The following URI1 variants were observed in gnomAD, a reference collection of about 807,000 sequenced individuals.
URI1 encodes URI1 prefoldin like chaperone, also known as unconventional prefoldin RPB5 interactor 1.
In URI1, 39 loss-of-function variants were observed where a neutral mutation model predicts 60.2. The observed-to-expected ratio is 0.65, with a 90% CI of 0.50 to 0.85. The LOEUF is 0.85. URI1 is among the 40% of genes least tolerant of loss of function. The pLI is 0.00. For missense variants in URI1, 691 were observed against 665.9 expected (o/e 1.04, Z -0.42); for synonymous variants, 251 against 236.8 (o/e 1.06, Z -0.55).
At chr19:29,996,481 G>T (rs1411938487) in intron 4 of URI1, among the ~76,000 whole-genome samples, 4 of 149,824 alleles carry the variant, frequency 2.7e-5, no homozygotes, top group African/African-American at 9.8e-5. Flanking sequence ...AGGGTGTTTT[G>T]TGTGTGTGTG....
chr19:29,996,768 G>C (rs1038536870), intron 4 of URI1, among the ~76,000 whole-genome samples: 8 of 151,770 alleles, frequency 5.3e-5, no homozygotes, highest in African/African-American at 1.9e-4. Context: ...TTATGTTATG[G>C]AAGTTCCCTT....
At chr19:29,928,368 G>T (rs2054888599) in intron 1 of URI1, among the ~76,000 whole-genome samples, 1 of 152,128 alleles carries the variant, frequency 6.6e-6, no homozygotes, top group South Asian at 2.1e-4. Flanking sequence ...GAGAAGGAGT[G>T]CAGGAGGCCA....
At chr19:29,935,795 CT>C (rs1178727433) in intron 1 of URI1, among the ~76,000 whole-genome samples, 2 of 104,700 alleles carry the variant, frequency 1.9e-5, no homozygotes, top group African/African-American at 3.7e-5. Flanking sequence ...TTTCTCTTTT[CT>C]TTTTTTTTGA....
At chr19:29,938,184 G>A (rs1006787824), upstream of URI1, among the ~76,000 whole-genome samples, 2 of 152,096 alleles carry the variant, frequency 1.3e-5, no homozygotes, top group African/African-American at 4.8e-5. Flanking sequence ...AAAGAAAGGA[G>A]GTTTATTTGG....
At chr19:29,986,178 TAAAA>T in intron 3 of URI1, 100 bp from the exon 4 acceptor site, 1 of 1,153,834 alleles carries the variant, frequency 8.7e-7, no homozygotes, top group Non-Finnish European at 1.1e-6. Context: ...AATGTATAAA[TAAAA>T]AAATTCAGTT....
Position 29,962,591 on chromosome 19 carries a change from T to C in URI1, c.118-8602T>C, listed in dbSNP as rs142536162. On this transcript the variant is annotated intron_variant, in intron 1 of 10. Coordinates refer to ENST00000392271, the MANE Select transcript of URI1 (RefSeq NM_003796.3). ...TGTGTGGTCAATATTGATTTATCTT[T>C]ACCCATCTTTTTTTTTTTTTATCCT... 5.5e-3 allele frequency among the ~76,000 whole-genome samples: 834 copies of C among 151,618 alleles called. 11 individuals are homozygous for C. The highest frequency in any genetic ancestry group is 0.019 in the African/African-American group (797 of 41,402).
At chr19:30,007,089 G>GT (rs548230618) in intron 6 of URI1, among the ~76,000 whole-genome samples, 143 of 152,170 alleles carry the variant, frequency 9.4e-4, no homozygotes, top group Non-Finnish European at 1.8e-3. Context: ...TCATTTATGT[G>GT]TTGCATTTCG....
rs748149375 is a variant in URI1, at chr19:30,009,244, A to G, written c.926A>G (p.Asp309Gly). The G allele has an allele frequency of 1.2e-6, 2 of 1,613,634 alleles. No individual in the cohort carries two copies. Among genetic ancestry groups the G allele is most frequent in the South Asian group, 1.1e-5 (1 of 91,044 alleles). ...GATGATGATGATGATGATGACGACG[A>G]CGACGACAACATTGACGACGATGAT... ...DDDDDDDDDDDDDNIDDDDGD... is the reference protein window; with the variant it reads ...DDDDDDDDDDGDDNIDDDDGD... The change falls in exon 8 of 11, where the codon GAC becomes GGC. Residue 309 changes from aspartate to glycine, a missense_variant. Asp to Gly is a moderately conservative substitution (Grantham distance 94). Transcript: ENST00000392271.
At chr19:30,011,289 G>A in intron 9 of URI1, 53 bp downstream of exon 9, 1 of 1,540,302 alleles carries the variant, frequency 6.5e-7, no homozygotes, top group Non-Finnish European at 8.7e-7. Context: ...CTCTCTTTCT[G>A]CCACTGAACC....
intron 10 of URI1, 125 bp downstream of exon 10, chr19:30,012,656 T>C (rs943822737): frequency 1.7e-6 from 2 of 1,197,330 alleles, no homozygotes; most frequent in South Asian, 1.7e-5. Flanking sequence ...TACTAATTAA[T>C]AAAAAATTAA....
chr19:30,006,373 G>T (rs149589201), intron 6 of URI1, among the ~76,000 whole-genome samples: 1 of 152,066 alleles, frequency 6.6e-6, no homozygotes, highest in Admixed American at 6.6e-5. Context: ...CTGAGCATTC[G>T]TTTTGACTTT....
At chr19:29,951,581 T>C (rs2055180688) in intron 1 of URI1, among the ~76,000 whole-genome samples, 1 of 151,890 alleles carries the variant, frequency 6.6e-6, no homozygotes, top group Admixed American at 6.6e-5. Flanking sequence ...ACAGAGTTTC[T>C]TGTTGCCTAG....
chr19:29,985,165 A>AGTT, intron 2 of URI1, 58 bp from the exon 3 acceptor site: 1 of 317,336 alleles, frequency 3.2e-6, no homozygotes, highest in African/African-American at 2.7e-5. Flanking sequence ...AAAAAAAAAA[A>AGTT]AAAAAAAAAA....
chr19:29,998,748 T>A (rs2055842986), intron 4 of URI1, among the ~76,000 whole-genome samples: 2 of 152,158 alleles, frequency 1.3e-5, no homozygotes, highest in African/African-American at 4.8e-5. Context: ...ATCCTTTTTT[T>A]AAAACAATTG....
intron 4 of URI1, among the ~76,000 whole-genome samples, chr19:29,986,804 T>G (rs1217651387): frequency 6.6e-6 from 1 of 152,218 alleles, no homozygotes; most frequent in East Asian, 1.9e-4. Context: ...TGTTTTCTCC[T>G]TAGTGAACTA....
At chr19:29,964,918 C>T (rs1284537191) in intron 1 of URI1, among the ~76,000 whole-genome samples, 1 of 150,064 alleles carries the variant, frequency 6.7e-6, no homozygotes, top group Non-Finnish European at 1.5e-5. Context: ...TCCTTTGAGC[C>T]TTTCACAGGC....
At chr19:30,014,427 A>G (rs1215766898) in intron 10 of URI1, among the ~76,000 whole-genome samples, 3 of 152,214 alleles carry the variant, frequency 2.0e-5, no homozygotes, top group Non-Finnish European at 4.4e-5. Context: ...TCAGTTAGAA[A>G]TGTCAGTACT....
At chr19:29,926,071 C>CTTCA (rs1568398821) in intron 1 of URI1, among the ~76,000 whole-genome samples, 1 of 151,786 alleles carries the variant, frequency 6.6e-6, no homozygotes. Context: ...TCCTTCTTTC[C>CTTCA]TTCCTTCCTT....
intron 2 of URI1, among the ~76,000 whole-genome samples, chr19:29,980,924 A>C (rs1186369012): frequency 1.6e-3 from 5 of 3,148 alleles, no homozygotes; most frequent in African/African-American, 2.5e-3. Context: ...TCCATCTCCA[A>C]AAAAAAAAAA....
Sources: allele counts gnomAD v4.1 joint callset (sites outside exome capture counted in the v4.1 genomes callset), GRCh38; gene constraint gnomAD v4.1.1; transcripts MANE v1.5; gene names NCBI Gene and HGNC (gene_info 2026-07-23, HGNC 2026-07-21).